Variants in BMX observed in about 807,000 individuals in gnomAD.
BMX encodes BMX non-receptor tyrosine kinase.
A neutral mutation model predicts 59.2 loss-of-function variants in BMX; 31 were observed. That is an observed-to-expected ratio of 0.52 (90% CI 0.39 to 0.71). The LOEUF is 0.71. Among genes scored for constraint, BMX ranks in the 30% least tolerant of loss-of-function variants. The pLI, the probability that BMX is intolerant of heterozygous loss-of-function variation, is 0.00. For synonymous variants in BMX, 185 were observed against 181.0 expected (o/e 1.02, Z -0.18); for missense variants, 474 against 491.7 (o/e 0.96, Z 0.34).
chrX:15,531,752 A>T (rs1218047999), intron 11 of BMX, among the ~76,000 whole-genome samples: 2 of 111,384 alleles, frequency 1.8e-5, no homozygotes, highest in Non-Finnish European at 3.8e-5. Flanking sequence ...AAGAAAAAAA[A>T]TAGCAATGGA....
rs758868527 is a variant in BMX at position 15,525,348 on chromosome X, C to T, written c.813C>T (p.Thr271=). 3 of 1,205,485 alleles carry T rather than the reference C, an allele frequency of 2.5e-6. No individual in the cohort carries two copies. Among genetic ancestry groups the T allele is most frequent in the Non-Finnish European group, 3.4e-6 (3 of 891,620 alleles). The change falls in exon 8 of 19, where the codon ACC becomes ACT. Residue 271 remains threonine (T), a synonymous_variant. Coordinates refer to ENST00000348343, the MANE Select transcript of BMX (RefSeq NM_203281.3). ...AAAAAGAAAGAAATGTGAATCACAC[C>T]ACCTCAAAGATTTCATGGTAAATCA... The part of the protein sequence containing the change: ...SNQKERNVNH[T]TSKISWEFPE...
chrX:15,501,813 C>G lies in BMX; in HGVS notation c.-10+873C>G, dbSNP rs181802282. On this transcript the variant is annotated intron_variant, in intron 1 of 18. Coordinates refer to ENST00000348343, the MANE Select transcript of BMX (RefSeq NM_203281.3). Reference sequence around the variant, plus strand: ...GGTTCAACCTCATTTTATGGTAACTCGTCTCAGGATGGAAAGTCTGCGACA... The same window carrying G: ...GGTTCAACCTCATTTTATGGTAACTGGTCTCAGGATGGAAAGTCTGCGACA... Among the ~76,000 whole-genome samples the G allele has an allele frequency of 2.9e-3, 321 of 111,395 alleles. 1 individual carries two copies. Among genetic ancestry groups the G allele is most frequent in the African/African-American group, 8.4e-3 (258 of 30,553 alleles).
At chrX:15,550,132 C>A in intron 18 of BMX, 135 bp downstream of exon 18, 1 of 760,973 alleles carries the variant, frequency 1.3e-6, no homozygotes, top group Non-Finnish European at 1.8e-6. Context: ...TCAGCCCCTG[C>A]CCTAAAATGT....
At chrX:15,536,319 A>G (rs749832666) in intron 12 of BMX, 34 bp from the exon 13 acceptor site, 1 of 1,181,669 alleles carries the variant, frequency 8.5e-7, no homozygotes, top group South Asian at 1.8e-5. Flanking sequence ...ATATGATATA[A>G]TGATGTGATG....
At position 15,525,359 on chromosome X, in the gene BMX, T is replaced by C; in HGVS notation, c.824T>C (p.Ile275Thr). 8.3e-7 allele frequency: 1 copy of C among 1,204,667 alleles called. No individual in the cohort carries two copies. Among genetic ancestry groups the C allele is most frequent in the South Asian group, 1.8e-5 (1 of 56,204 alleles). Residue 275 changes from isoleucine to threonine, a missense_variant, in exon 8 of 19, where the codon ATT (isoleucine) becomes ACT (threonine). By Grantham distance (89) the Ile-to-Thr change is moderately conservative. Transcript: ENST00000348343. Reference protein sequence around the residue: ...ERNVNHTTSKISWEFPESSSS... With the variant: ...ERNVNHTTSKTSWEFPESSSS... Reference sequence around the variant, plus strand: ...AATGTGAATCACACCACCTCAAAGATTTCATGGTAAATCAAATTCAGATAT... The same window carrying C: ...AATGTGAATCACACCACCTCAAAGACTTCATGGTAAATCAAATTCAGATAT...
chrX:15,550,951 G>A (rs1489134605), intron 18 of BMX, among the ~76,000 whole-genome samples: 1 of 111,148 alleles, frequency 9.0e-6, no homozygotes, highest in Non-Finnish European at 1.9e-5. Context: ...TGGAGACATT[G>A]TAAAAGGGTG....
At chrX:15,515,202 G>T (rs1317471452) in intron 4 of BMX, among the ~76,000 whole-genome samples, 2 of 109,654 alleles carry the variant, frequency 1.8e-5, no homozygotes, top group African/African-American at 6.6e-5. Context: ...CCTAATGCAT[G>T]GGGGGCTTAA....
intron 18 of BMX, among the ~76,000 whole-genome samples, chrX:15,552,020 T>A (rs1926224255): frequency 8.9e-6 from 1 of 112,130 alleles, no homozygotes; most frequent in Non-Finnish European, 1.9e-5. Context: ...AGATGATTAT[T>A]TTGTAAAAGA....
rs372642389 is a variant in BMX, at chrX:15,516,129, C to T, written c.343C>T (p.His115Tyr). Residue 115 changes from histidine (H) to tyrosine (Y), a missense_variant, in exon 5 of 19, where the codon CAC becomes TAC. Physicochemically the swap from His to Tyr is moderately conservative, Grantham distance 83 (BLOSUM62 2). Coordinates refer to ENST00000348343, the MANE Select transcript of BMX (RefSeq NM_203281.3). ...CTCCTCAGAGATAAGGGGTAACCCCCACCTGCTGGTCAAGTACCATAGTGG... is the reference window on the plus strand; with the variant it reads ...CTCCTCAGAGATAAGGGGTAACCCCTACCTGCTGGTCAAGTACCATAGTGG... ...ALQKEIRGNP[H>Y]LLVKYHSGFF... 22 of 1,209,641 alleles carry T rather than the reference C, an allele frequency of 1.8e-5. No individual in the cohort carries two copies. The African/African-American group carries it at 3.5e-4, about 19-fold the overall frequency.
intron 14 of BMX, 143 bp downstream of exon 14, chrX:15,537,448 GAACT>G: frequency 3.2e-6 from 2 of 618,930 alleles, no homozygotes; most frequent in East Asian, 3.9e-5. Flanking sequence ...GTTATAAATT[GAACT>G]AACAGACTAT....
intron 13 of BMX, 75 bp downstream of exon 13, chrX:15,536,502 C>CAA (rs61657459): frequency 3.8e-4 from 234 of 622,659 alleles, no homozygotes; most frequent in African/African-American, 1.6e-3. Flanking sequence ...AATTTACTGG[C>CAA]AAAAAAAAAA....
At chrX:15,529,207 C>A (rs1282539658) in intron 9 of BMX, among the ~76,000 whole-genome samples, 5 of 111,871 alleles carry the variant, frequency 4.5e-5, no homozygotes, top group Non-Finnish European at 9.4e-5. Context: ...TGTCCACCAG[C>A]TGACATCCCT....
At position 15,525,976 on chromosome X, in the gene BMX, T is replaced by C. The variant is rs1602342158; in HGVS notation, c.831-66T>C. The C allele has an allele frequency of 9.4e-6, 9 of 962,089 alleles. No individual in the cohort carries two copies. In the East Asian group the frequency reaches 2.8e-4, roughly 30 times the overall value. The allele number at this position is 962,089 out of a possible 1,213,427, so 79.3% of individuals were successfully genotyped here. On this transcript the variant is annotated intron_variant, in intron 8 of 18. Transcript: ENST00000348343. ...AATCAGGGTGGGATTTGATATTGCATGGCTACGCACTTGGATTATTTCTTG... is the reference window on the plus strand; with the variant it reads ...AATCAGGGTGGGATTTGATATTGCACGGCTACGCACTTGGATTATTTCTTG...
Position 15,549,911 on chromosome X carries a change from C to T in BMX, c.1867C>T (p.Leu623=). 3 of 1,210,292 alleles carry T rather than the reference C, an allele frequency of 2.5e-6. No homozygotes were observed. Residue 623 remains leucine, a synonymous_variant, in exon 18 of 19, where the codon CTG becomes TTG. Coordinates refer to ENST00000348343, the MANE Select transcript of BMX (RefSeq NM_203281.3). ...CTTGTATGACAACTCCCAGGTGGTT[C>T]TGAAGGTCTCCCAGGGCCACAGGCT... The part of the protein sequence containing the change: ...YDLYDNSQVV[L]KVSQGHRLYR...
intron 3 of BMX, among the ~76,000 whole-genome samples, chrX:15,509,744 G>C (rs1333153986): frequency 9.0e-6 from 1 of 111,007 alleles, no homozygotes. Flanking sequence ...ATACTATGGG[G>C]AACAAAACAC....
intron 9 of BMX, among the ~76,000 whole-genome samples, chrX:15,529,102 C>T (rs1175026301): frequency 8.9e-6 from 1 of 111,749 alleles, no homozygotes; most frequent in Non-Finnish European, 1.9e-5. Context: ...GGCCAAGTGG[C>T]TTGTTCAAAG....
intron 16 of BMX, 64 bp from the exon 17 acceptor site, chrX:15,546,739 C>A: frequency 1.0e-6 from 1 of 962,987 alleles, no homozygotes; most frequent in Non-Finnish European, 1.5e-6. Context: ...GGGTGGCTTC[C>A]GTGTCCTTCA....
At chrX:15,539,381 G>T (rs1297579044) in intron 14 of BMX, among the ~76,000 whole-genome samples, 2 of 111,565 alleles carry the variant, frequency 1.8e-5, no homozygotes, top group Non-Finnish European at 3.8e-5. Flanking sequence ...TATCATGTGG[G>T]GAATATCAGT....
intron 11 of BMX, among the ~76,000 whole-genome samples, chrX:15,533,685 T>G: frequency 9.0e-6 from 1 of 111,521 alleles, no homozygotes; most frequent in Non-Finnish European, 1.9e-5. Flanking sequence ...AAAAAGTGTT[T>G]TATGTGGAGA....
Sources: gnomAD v4.1 joint callset for allele counts (sites outside exome capture counted in the v4.1 genomes callset) on GRCh38, gnomAD v4.1.1 for gene constraint, MANE v1.5 for transcripts, NCBI Gene and HGNC (gene_info 2026-07-23, HGNC 2026-07-21) for gene names.